Variants in SF3A1 observed in about 807,000 individuals in gnomAD.
SF3A1 encodes the protein splicing factor 3a subunit 1.
A neutral mutation model predicts 89.9 loss-of-function variants in SF3A1; 13 were observed. That is an observed-to-expected ratio of 0.14 (90% CI 0.09 to 0.23). SF3A1 has a LOEUF of 0.23. SF3A1 is among the 10% of genes least tolerant of loss of function. SF3A1 has a pLI of 1.00. For synonymous variants in SF3A1, 405 were observed against 374.4 expected (o/e 1.08, Z -0.94); for missense variants, 604 against 1,022.1 (o/e 0.59, Z 5.58).
At chr22:30,352,898 GA>G in intron 2 of SF3A1, 52 bp downstream of exon 2, 1 of 1,605,254 alleles carries the variant, frequency 6.2e-7, no homozygotes, top group African/African-American at 1.3e-5. Context: ...ATTCAGTGCT[GA>G]AGTCTCTTCA....
In SF3A1 at chr22:30,337,172, G is replaced by A. The variant is rs535345738; in HGVS notation, c.1960C>T (p.Pro654Ser). ...GGGACAGGTGCCACAGGTGGAGCAG[G>A]CACAAAGGCTGCAAAGACAAGAATA... Reference protein sequence around the residue: ...PPMIVPTAFVPAPPVAPVPAP... With the variant: ...PPMIVPTAFVSAPPVAPVPAP... Residue 654 changes from proline (P) to serine (S), a missense_variant, in exon 13 of 16, where the codon CCT (proline) becomes TCT (serine). Coordinates refer to ENST00000215793, the MANE Select transcript of SF3A1 (RefSeq NM_005877.6). The A allele has an allele frequency of 6.2e-7, 1 of 1,609,910 alleles. No homozygotes were observed. Among genetic ancestry groups the A allele is most frequent in the Non-Finnish European group, 8.5e-7 (1 of 1,177,990 alleles).
intron 13 of SF3A1, among the ~76,000 whole-genome samples, chr22:30,336,801 C>T (rs143339131): frequency 9.8e-5 from 15 of 152,332 alleles, no homozygotes; most frequent in Non-Finnish European, 1.8e-4. Flanking sequence ...ACAGTCACCA[C>T]CTCTGCCACC....
chr22:30,338,244 A>T (rs1309188065), intron 11 of SF3A1, among the ~76,000 whole-genome samples: 1 of 152,116 alleles, frequency 6.6e-6, no homozygotes, highest in Non-Finnish European at 1.5e-5. Flanking sequence ...AGATCACCGG[A>T]GGTCGGGAGT....
chr22:30,338,259 G>C (rs1056984473), intron 11 of SF3A1, among the ~76,000 whole-genome samples: 5 of 152,156 alleles, frequency 3.3e-5, no homozygotes, highest in African/African-American at 2.4e-5. Flanking sequence ...GGGAGTTCGA[G>C]ACCAGCCTGA....
intron 2 of SF3A1, among the ~76,000 whole-genome samples, chr22:30,350,911 C>T (rs542014841): frequency 6.6e-6 from 1 of 152,350 alleles, no homozygotes; most frequent in South Asian, 2.1e-4. Context: ...TCACAATGTT[C>T]AATCAAGCAC....
At chr22:30,344,160 G>A (rs1231106450) in intron 4 of SF3A1, among the ~76,000 whole-genome samples, 1 of 151,738 alleles carries the variant, frequency 6.6e-6, no homozygotes, top group East Asian at 1.9e-4. Context: ...GAGTAAAAAT[G>A]CCAGAGCTCA....
intron 9 of SF3A1, 28 bp from the exon 10 acceptor site, chr22:30,339,279 G>T (rs1931173399): frequency 1.9e-6 from 3 of 1,611,762 alleles, no homozygotes; most frequent in South Asian, 2.2e-5. Context: ...AGAGGCAGAG[G>T]ATAGAAAGAG....
Position 30,333,748 on chromosome 22 carries a change from G to A in SF3A1, c.*846C>T, listed in dbSNP as rs1018966169. 3.9e-5 allele frequency: 6 copies of A among 152,132 alleles called. No homozygotes were observed. Among genetic ancestry groups the A allele is most frequent in the African/African-American group, 1.4e-4 (6 of 41,408 alleles). 9.4% of individuals were successfully genotyped at this position (152,132 alleles called of 1,614,324 possible). A position where few individuals can be genotyped will look rare whatever the true frequency, so the allele number is the denominator to read the frequency against. On this transcript the variant is annotated 3_prime_UTR_variant, in exon 16 of 16. Coordinates refer to ENST00000215793, the MANE Select transcript of SF3A1 (RefSeq NM_005877.6). Reference sequence around the variant, plus strand: ...TTATTTAAACTTTATCAAATCCTTGGTACATGACCTTAATACAATTAAGTA... The same window carrying A: ...TTATTTAAACTTTATCAAATCCTTGATACATGACCTTAATACAATTAAGTA...
chr22:30,355,473 G>T (rs960907843), intron 1 of SF3A1, among the ~76,000 whole-genome samples: 1 of 152,132 alleles, frequency 6.6e-6, no homozygotes, highest in Admixed American at 6.5e-5. Flanking sequence ...TTGGAATAGC[G>T]TGACTGGCCT....
intron 2 of SF3A1, 46 bp from the exon 3 acceptor site, chr22:30,346,565 C>T: frequency 1.2e-6 from 2 of 1,601,918 alleles, no homozygotes; most frequent in Non-Finnish European, 1.7e-6. Flanking sequence ...TCCCTTGTGC[C>T]TGCTGTGATC....
intron 15 of SF3A1, 132 bp downstream of exon 15, chr22:30,335,335 T>C (rs1931031749): frequency 2.5e-6 from 2 of 800,242 alleles, no homozygotes; most frequent in Non-Finnish European, 2.1e-6. Flanking sequence ...GCATCATGAC[T>C]TCTAGGATGG....
rs567484463 is a variant in SF3A1, at chr22:30,332,204, T to C, written c.*2390A>G. 1 of 152,314 alleles carries C rather than the reference T, an allele frequency of 6.6e-6. No homozygotes were observed. The highest frequency in any genetic ancestry group is 1.9e-4 in the East Asian group (1 of 5,184). 9.4% of individuals were successfully genotyped at this position (152,314 alleles called of 1,614,324 possible). ...TAATATATTCTCTAATACAATATTA[T>C]TAATTTTAAAGTAAAATGGTTCTGA... On this transcript the variant is annotated 3_prime_UTR_variant, in exon 16 of 16. Coordinates refer to ENST00000215793, the MANE Select transcript of SF3A1 (RefSeq NM_005877.6).
intron 9 of SF3A1, 148 bp downstream of exon 9, chr22:30,340,048 G>A (rs1463877220): frequency 7.9e-6 from 5 of 632,504 alleles, no homozygotes; most frequent in Non-Finnish European, 1.2e-5. Context: ...AGTTCTTCTG[G>A]AAAGTGGGGA....
chr22:30,344,969 G>A lies in SF3A1; in HGVS notation c.615C>T (p.Phe205=). Residue 205 remains phenylalanine, a synonymous_variant, in exon 4 of 16, where the codon TTC becomes TTT. Coordinates refer to ENST00000215793, the MANE Select transcript of SF3A1 (RefSeq NM_005877.6). The stretch of plus-strand genomic sequence containing the variant: ...GTTCCACTAGCTTCGTGAAGTAGTT[G>A]AAGAGGCTGTGCTGTGGGCGGAGAA... ...FDFLRPQHSL[F]NYFTKLVEQY... is the part of the protein sequence containing the mutation. 1 of 1,614,232 alleles carries A rather than the reference G, an allele frequency of 6.2e-7. No individual in the cohort carries two copies. The highest frequency in any genetic ancestry group is 8.5e-7 in the Non-Finnish European group (1 of 1,180,040).
intron 2 of SF3A1, among the ~76,000 whole-genome samples, chr22:30,347,593 AC>A (rs1324631638): frequency 6.6e-6 from 1 of 152,178 alleles, no homozygotes; most frequent in Non-Finnish European, 1.5e-5. Flanking sequence ...TGTTTAGGGA[AC>A]CCTGATTTTT....
intron 2 of SF3A1, chr22:30,352,738 T>C: frequency 2.2e-6 from 1 of 460,660 alleles, no homozygotes; most frequent in Non-Finnish European, 3.9e-6. Context: ...TCCTGGTGAC[T>C]GTGGGGCTAA....
At chr22:30,345,858 A>T (rs1242730396) in intron 3 of SF3A1, among the ~76,000 whole-genome samples, 1 of 152,128 alleles carries the variant, frequency 6.6e-6, no homozygotes, top group Non-Finnish European at 1.5e-5. Flanking sequence ...GGAAGGTGGT[A>T]TCAGGGGAGG....
intron 2 of SF3A1, among the ~76,000 whole-genome samples, chr22:30,350,304 T>TAAAAAAACAAAAAAAAA (rs1931547387): frequency 7.4e-6 from 1 of 135,074 alleles, no homozygotes. Flanking sequence ...ACAAAAAAAC[T>TAAAAAAACAAAAAAAAA]AAAAAAAATA....
chr22:30,341,621 G>T, intron 7 of SF3A1, 71 bp downstream of exon 7: 3 of 1,217,146 alleles, frequency 2.5e-6, no homozygotes, highest in Non-Finnish European at 3.5e-6. Flanking sequence ...GGATCTGACT[G>T]GTGGAGAGCA....
Sources: gnomAD v4.1 joint callset for allele counts (sites outside exome capture counted in the v4.1 genomes callset) on GRCh38, gnomAD v4.1.1 for gene constraint, MANE v1.5 for transcripts, NCBI Gene and HGNC (gene_info 2026-07-23, HGNC 2026-07-21) for gene names.